The following PRMT9 variants were observed in gnomAD, a reference collection of about 807,000 sequenced individuals.
PRMT9 encodes protein arginine N-methyltransferase 9.
A neutral mutation model predicts 83.2 loss-of-function variants in PRMT9; 59 were observed. That is an observed-to-expected ratio of 0.71 (90% CI 0.57 to 0.88). The LOEUF is 0.88. Ranked by LOEUF, PRMT9 falls within the 40% of genes least tolerant of loss-of-function variation. The probability of loss-of-function intolerance (pLI) is 0.00; values close to 1 mark genes in which losing one functional copy is unlikely to be tolerated. For missense variants in PRMT9, 947 were observed against 1,021.9 expected (o/e 0.93, Z 1.00); for synonymous variants, 333 against 353.2 (o/e 0.94, Z 0.64).
In PRMT9 at chr4:147,684,012, AG is replaced by A; in HGVS notation, c.-26del. 1 of 1,609,336 alleles carries A rather than the reference AG, an allele frequency of 6.2e-7. No individual in the cohort carries two copies. The highest frequency in any genetic ancestry group is 8.5e-7 in the Non-Finnish European group (1 of 1,177,678). On this transcript the variant is annotated 5_prime_UTR_variant, in exon 1 of 12. Transcript: ENST00000322396. ...TGGCAGTCACCACTTGTATGGCCAA[AG>A]GGAAGATATTTTGTAAACGTAATTA...
intron 1 of PRMT9, among the ~76,000 whole-genome samples, chr4:147,681,682 G>A (rs1329187045): frequency 6.6e-6 from 1 of 152,068 alleles, no homozygotes; most frequent in Non-Finnish European, 1.5e-5. Flanking sequence ...TGCTACTCAG[G>A]AGGCTGAGGC....
chr4:147,639,453 C>G (rs1476270494), intron 10 of PRMT9, among the ~76,000 whole-genome samples: 2 of 152,200 alleles, frequency 1.3e-5, no homozygotes, highest in East Asian at 3.8e-4. Flanking sequence ...TGGTACAACA[C>G]TAATTGAATT....
intron 6 of PRMT9, among the ~76,000 whole-genome samples, chr4:147,661,713 C>G (rs1224855275): frequency 7.3e-6 from 1 of 137,528 alleles, no homozygotes; most frequent in African/African-American, 2.7e-5. Flanking sequence ...TGCAGTGAAC[C>G]CGGAAGGCTG....
At chr4:147,639,214 T>C in intron 10 of PRMT9, 132 bp from the exon 11 acceptor site, 1 of 775,000 alleles carries the variant, frequency 1.3e-6, no homozygotes, top group Admixed American at 2.5e-5. Flanking sequence ...GACAGAATGC[T>C]TTTTACATTA....
Position 147,668,737 on chromosome 4 carries a change from C to T in PRMT9, c.847-92G>A, listed in dbSNP as rs551302152. On this transcript the variant is annotated intron_variant, in intron 5 of 11. Transcript: ENST00000322396. The stretch of plus-strand genomic sequence containing the variant: ...GCTATGAAAATATAATTTAAAAAAC[C>T]TAAAAAGACAATAAGTAAGGATAAA... 207 of 806,902 alleles carry T rather than the reference C, an allele frequency of 2.6e-4. 3 individuals are homozygous for T. The highest frequency in any genetic ancestry group is 2.4e-3 in the South Asian group (163 of 66,776). 50.0% of individuals were successfully genotyped at this position (806,902 alleles called of 1,614,324 possible).
chr4:147,647,714 G>T (rs1327014634), intron 9 of PRMT9, among the ~76,000 whole-genome samples: 3 of 151,902 alleles, frequency 2.0e-5, no homozygotes, highest in African/African-American at 7.3e-5. Flanking sequence ...GTAGAGACGG[G>T]GTTTCACCAT....
At chr4:147,641,157 A>T (rs1045722879) in intron 10 of PRMT9, among the ~76,000 whole-genome samples, 1 of 152,158 alleles carries the variant, frequency 6.6e-6, no homozygotes, top group Non-Finnish European at 1.5e-5. Flanking sequence ...TATTCCTAAC[A>T]CAGCAACCAC....
At chr4:147,666,711 AT>A (rs1402100207) in intron 6 of PRMT9, among the ~76,000 whole-genome samples, 1 of 152,032 alleles carries the variant, frequency 6.6e-6, no homozygotes, top group East Asian at 1.9e-4. Context: ...CCAAATGGCA[AT>A]TTTTATAATA....
intron 1 of PRMT9, 148 bp downstream of exon 1, chr4:147,683,651 C>G: frequency 2.5e-6 from 2 of 801,498 alleles, no homozygotes; most frequent in Non-Finnish European, 4.2e-6. Context: ...GTTGGATCGG[C>G]CAGCAAGTGA....
At chr4:147,677,986 A>G (rs1477213334) in intron 2 of PRMT9, among the ~76,000 whole-genome samples, 2 of 149,262 alleles carry the variant, frequency 1.3e-5, no homozygotes, top group Admixed American at 6.7e-5. Context: ...CTCCACACTG[A>G]AAAAAAAAAG....
At chr4:147,664,803 T>A (rs1208737645) in intron 6 of PRMT9, among the ~76,000 whole-genome samples, 1 of 151,834 alleles carries the variant, frequency 6.6e-6, no homozygotes, top group Admixed American at 6.6e-5. Flanking sequence ...TAAAGTAAAA[T>A]TAAATTAAAT....
At chr4:147,648,599 G>C (rs920571189) in intron 9 of PRMT9, among the ~76,000 whole-genome samples, 1 of 152,194 alleles carries the variant, frequency 6.6e-6, no homozygotes. Context: ...AATGGAACTC[G>C]AAGAGGTGGT....
At chr4:147,657,585 T>C (rs1392682891) in intron 8 of PRMT9, among the ~76,000 whole-genome samples, 2 of 151,820 alleles carry the variant, frequency 1.3e-5, no homozygotes, top group Non-Finnish European at 2.9e-5. Flanking sequence ...GTTTTTCAAA[T>C]GCTATGCAAC....
chr4:147,681,975 C>G (rs1736499390), intron 1 of PRMT9, among the ~76,000 whole-genome samples: 1 of 152,076 alleles, frequency 6.6e-6, no homozygotes, highest in African/African-American at 2.4e-5. Flanking sequence ...TACTGAATGT[C>G]AGGCATTGCA....
intron 7 of PRMT9, among the ~76,000 whole-genome samples, chr4:147,660,334 T>C (rs1734868531): frequency 6.6e-6 from 1 of 152,194 alleles, no homozygotes; most frequent in African/African-American, 2.4e-5. Context: ...GTTTTCTCTG[T>C]ATTTAAATAA....
At chr4:147,677,137 A>G (rs1005238869) in intron 2 of PRMT9, among the ~76,000 whole-genome samples, 23 of 152,028 alleles carry the variant, frequency 1.5e-4, no homozygotes, top group African/African-American at 5.6e-4. Context: ...CTTTCTATAT[A>G]AAATAGGACA....
Position 147,673,651 on chromosome 4 carries a change from T to A in PRMT9, c.562A>T (p.Thr188Ser). 1.2e-6 allele frequency: 2 copies of A among 1,605,196 alleles called. No homozygotes were observed. The highest frequency in any genetic ancestry group is 4.5e-5 in the East Asian group (2 of 44,850). ...SKSVLDIGAG[T>S]GILSMFAKKA... ...ATTACTACCAACCTTAGTATTCCAG[T>A]TCCTGCTCCAATGTCCAAAACACTT... Residue 188 changes from threonine to serine, a missense_variant, in exon 3 of 12, where the codon ACT becomes TCT. Transcript: ENST00000322396.
chr4:147,677,289 C>G (rs1195299778), intron 2 of PRMT9, among the ~76,000 whole-genome samples: 1 of 150,908 alleles, frequency 6.6e-6, no homozygotes, highest in Non-Finnish European at 1.5e-5. Flanking sequence ...GGAGAGTACA[C>G]AAAAATTCCA....
chr4:147,653,977 C>T lies in PRMT9; in HGVS notation c.1920G>A (p.Val640=), dbSNP rs1393645196. The change falls in exon 9 of 12, where the codon GTG becomes GTA. Residue 640 remains valine, a synonymous_variant. Transcript: ENST00000322396. ...KETLEFWLRH[V]EDESAMLQRP... ...TTTGTAACATAGCAGATTCATCCTC[C>T]ACATGTCTCAGCCAAAACTCAAGTG... 1.9e-6 allele frequency: 3 copies of T among 1,614,028 alleles called. No individual in the cohort carries two copies. The highest frequency in any genetic ancestry group is 2.2e-5 in the East Asian group (1 of 44,896).
Sources: gnomAD v4.1 joint callset for allele counts (sites outside exome capture counted in the v4.1 genomes callset) on GRCh38, gnomAD v4.1.1 for gene constraint, MANE v1.5 for transcripts, NCBI Gene and HGNC (gene_info 2026-07-23, HGNC 2026-07-21) for gene names.